The following SPATA6L variants were observed in gnomAD, a reference collection of about 807,000 sequenced individuals.
The protein encoded by SPATA6L is spermatogenesis associated 6 like.
In SPATA6L, 68 loss-of-function variants were observed where a neutral mutation model predicts 49.2. The ratio of observed to expected loss-of-function variants is 1.38; its 90% CI spans 1.14 to 1.69. The LOEUF (loss-of-function observed/expected upper bound fraction) is 1.69, where lower values mean the gene tolerates loss of function less well. SPATA6L is among the 40% of genes most tolerant of loss of function. SPATA6L has a pLI of 0.00. For synonymous variants in SPATA6L, 198 were observed against 165.7 expected (o/e 1.19, Z -1.50); for missense variants, 668 against 464.3 (o/e 1.44, Z -4.03).
intron 11 of SPATA6L, among the ~76,000 whole-genome samples, chr9:4,601,916 G>A (rs771911357): frequency 3.9e-5 from 6 of 152,098 alleles, no homozygotes; most frequent in African/African-American, 7.2e-5. Context: ...TAAATGCCCC[G>A]TTTGCTTAAG....
In SPATA6L at chr9:4,635,393, T is replaced by C. The variant is rs746794768; in HGVS notation, c.233A>G (p.Asp78Gly). ...GAVVDLLEMW[D>G]ELAYYEENTR... is the part of the protein sequence containing the mutation. ...GTTTTCTTCGTAGTAGGCCAACTCA[T>C]CCCACACTAGAAAGAAAATAGAAAA... The change falls in exon 4 of 12, where the codon GAT becomes GGT. Residue 78 changes from aspartate (D) to glycine (G), a missense_variant. Coordinates refer to ENST00000682582, the MANE Select transcript of SPATA6L (RefSeq NM_001353486.2). 1.3e-6 allele frequency: 2 copies of C among 1,577,970 alleles called. No individual in the cohort carries two copies. Among genetic ancestry groups the C allele is most frequent in the Non-Finnish European group, 1.7e-6 (2 of 1,169,212 alleles).
downstream of SPATA6L, among the ~76,000 whole-genome samples, chr9:4,596,685 C>A (rs1352503551): frequency 6.6e-6 from 1 of 152,200 alleles, no homozygotes; most frequent in African/African-American, 2.4e-5. Flanking sequence ...ATTGTTCCAA[C>A]TTCTGTCAAG....
intron 2 of SPATA6L, among the ~76,000 whole-genome samples, chr9:4,659,678 C>T (rs1221121589): frequency 6.6e-6 from 1 of 152,196 alleles, no homozygotes; most frequent in African/African-American, 2.4e-5. Context: ...GAAAAAACTA[C>T]TTTAAAGTTC....
rs527560427 is a variant in SPATA6L, at chr9:4,605,926, G to C, written c.996-486C>G. 1.3e-3 allele frequency among the ~76,000 whole-genome samples: 192 copies of C among 152,322 alleles called. 2 individuals carry two copies. The highest frequency in any genetic ancestry group is 4.4e-3 in the African/African-American group (185 of 41,574). ...GGGTTCATCTCACTAGGGAGTGCCA[G>C]ACAGTGGGCGCAGGCCAGTGTGTGC... On this transcript the variant is annotated intron_variant, in intron 9 of 11. Coordinates refer to ENST00000682582, the MANE Select transcript of SPATA6L (RefSeq NM_001353486.2).
intron 3 of SPATA6L, among the ~76,000 whole-genome samples, chr9:4,648,821 C>T (rs1385771773): frequency 1.3e-5 from 2 of 152,174 alleles, no homozygotes; most frequent in African/African-American, 4.8e-5. Context: ...TTATCCCTCA[C>T]TCCCTTCCCA....
At chr9:4,651,905 A>C (rs1396387017) in intron 3 of SPATA6L, among the ~76,000 whole-genome samples, 3 of 152,208 alleles carry the variant, frequency 2.0e-5, no homozygotes, top group Admixed American at 6.5e-5. Context: ...AAGGATGCTC[A>C]CTTTCACGGC....
At chr9:4,626,599 T>C in intron 5 of SPATA6L, 1 of 1,264,836 alleles carries the variant, frequency 7.9e-7, no homozygotes, top group Non-Finnish European at 1.0e-6. Flanking sequence ...GTCATTTCAG[T>C]GTTCCCCTTT....
intron 9 of SPATA6L, among the ~76,000 whole-genome samples, chr9:4,609,888 C>T (rs10815035): frequency 0.18 from 27,948 of 151,088 alleles, 3,821 homozygotes; most frequent in African/African-American, 0.37. Flanking sequence ...ATTGTGTGTG[C>T]AGAAAACCCC....
chr9:4,610,240 C>G (rs1047343384), intron 9 of SPATA6L, among the ~76,000 whole-genome samples: 10 of 149,950 alleles, frequency 6.7e-5, no homozygotes, highest in African/African-American at 2.0e-4. Flanking sequence ...TTTACAGATT[C>G]AATGCCATCC....
chr9:4,662,513 C>A lies in SPATA6L; in HGVS notation c.40-477G>T, dbSNP rs1349645526. 1.9e-6 allele frequency: 3 copies of A among 1,560,204 alleles called. No individual in the cohort carries two copies. In the African/African-American group the frequency reaches 4.1e-5, roughly 21 times the overall value. On this transcript the variant is annotated intron_variant, in intron 1 of 11. Transcript: ENST00000682582. This position sits in a 1 kb window ranked among gnomAD's most constrained non-coding sequence, Gnocchi z 4.9. Reference sequence around the variant, plus strand: ...TTGAGTTCCAGTCCCTGCTCAGCAGCCGCGCCACGGCCGTGGACCCCACCT... The same window carrying A: ...TTGAGTTCCAGTCCCTGCTCAGCAGACGCGCCACGGCCGTGGACCCCACCT...
At chr9:4,625,627 CAG>C (rs944502824) in intron 5 of SPATA6L, 61 bp from the exon 6 acceptor site, 46 of 1,164,788 alleles carry the variant, frequency 3.9e-5, no homozygotes, top group African/African-American at 4.8e-5. Context: ...AAAATTCAAT[CAG>C]AATATAACTG....
rs187028796 is a variant in SPATA6L, at chr9:4,589,655, G to A, written c.*255-694C>T. Reference sequence around the variant, plus strand: ...GAGGGGTTTGAGATGCTTGGGCTGTGTGAAGCTGAGATGTACCTTCACATA... The same window carrying A: ...GAGGGGTTTGAGATGCTTGGGCTGTATGAAGCTGAGATGTACCTTCACATA... On this transcript the variant is annotated intron_variant and NMD_transcript_variant, in intron 13 of 13. Transcript: ENST00000461761. Among the ~76,000 whole-genome samples, 11 of 152,332 alleles carry A rather than the reference G, an allele frequency of 7.2e-5. No individual in the cohort carries two copies. In the East Asian group the frequency reaches 2.1e-3, roughly 29 times the overall value.
chr9:4,593,306 C>A (rs1187264813), intron 13 of SPATA6L, among the ~76,000 whole-genome samples: 1 of 152,154 alleles, frequency 6.6e-6, no homozygotes, highest in Non-Finnish European at 1.5e-5. Context: ...TTTTCCCATT[C>A]TAGCAAAAAT....
chr9:4,625,797 G>A (rs537099883), intron 5 of SPATA6L: 1 of 309,164 alleles, frequency 3.2e-6, no homozygotes, highest in Non-Finnish European at 5.8e-6. Flanking sequence ...CTAATTAACA[G>A]TGAGATTTAT....
chr9:4,642,633 G>C (rs908761844), intron 3 of SPATA6L, among the ~76,000 whole-genome samples: 4 of 152,162 alleles, frequency 2.6e-5, no homozygotes, highest in African/African-American at 9.7e-5. Context: ...CCTATCAAAA[G>C]CCTCCTCAGT....
Position 4,629,123 on chromosome 9 carries a change from C to G in SPATA6L, c.397G>C (p.Glu133Gln). Residue 133 changes from glutamate to glutamine, a missense_variant, in exon 5 of 12, where the codon GAA (glutamate) becomes CAA (glutamine). By Grantham distance (29) the Glu-to-Gln change is conservative. Transcript: ENST00000682582. ...CTGTTTCTATGCAGAAACACACATTCTCTGATGGCTGTCCTTGTAGAAAAC... is the reference window on the plus strand; with the variant it reads ...CTGTTTCTATGCAGAAACACACATTGTCTGATGGCTGTCCTTGTAGAAAAC... ...IEFSTRTAIR[E>Q]CVFLHRNRFL... The G allele has an allele frequency of 6.2e-7, 1 of 1,611,554 alleles. No individual in the cohort carries two copies. The highest frequency in any genetic ancestry group is 8.5e-7 in the Non-Finnish European group (1 of 1,178,966).
chr9:4,597,702 G>T (rs77831683), downstream of SPATA6L, among the ~76,000 whole-genome samples: 623 of 152,294 alleles, frequency 4.1e-3, 6 homozygotes, highest in African/African-American at 0.014. Context: ...CATCACTGTT[G>T]GCAGGGTTCC....
rs755177508 is a variant in SPATA6L at position 4,600,427 on chromosome 9, T to C, written c.*384A>G. 6.6e-6 allele frequency: 1 copy of C among 152,166 alleles called. No homozygotes were observed. Among genetic ancestry groups the C allele is most frequent in the South Asian group, 2.1e-4 (1 of 4,816 alleles). The allele number at this position is 152,166 out of a possible 1,614,324, so 9.4% of individuals were successfully genotyped here. ...GGATTTATCAGGTTATTCCTGTGAA[T>C]AGCAACTTCCTCTAGCTCATATATA... On this transcript the variant is annotated 3_prime_UTR_variant, in exon 12 of 12. Coordinates refer to ENST00000682582, the MANE Select transcript of SPATA6L (RefSeq NM_001353486.2).
At chr9:4,644,685 TCACACA>T (rs59433051) in intron 3 of SPATA6L, among the ~76,000 whole-genome samples, 3,668 of 107,638 alleles carry the variant, frequency 0.034, 147 homozygotes, top group African/African-American at 0.12. Context: ...TCTCTCTCTC[TCACACA>T]CACACACACA....
Sources: allele counts gnomAD v4.1 joint callset (sites outside exome capture counted in the v4.1 genomes callset), GRCh38; gene constraint gnomAD v4.1.1; non-coding constraint Gnocchi (gnomAD v3.1); transcripts MANE v1.5; gene names NCBI Gene and HGNC (gene_info 2026-07-23, HGNC 2026-07-21).